Variants in RAB31 observed in about 807,000 individuals in gnomAD.
The protein encoded by RAB31 is ras-related protein Rab-31.
In RAB31, 21 loss-of-function variants were observed where a neutral mutation model predicts 25.6. That is an observed-to-expected ratio of 0.82 (90% CI 0.58 to 1.18). The LOEUF (loss-of-function observed/expected upper bound fraction) is 1.18. RAB31 is among the 50% of genes most tolerant of loss of function. The pLI, the probability that RAB31 is intolerant of heterozygous loss-of-function variation, is 0.00. For missense variants in RAB31, 196 were observed against 250.1 expected (o/e 0.78, Z 1.46); for synonymous variants, 87 against 84.0 (o/e 1.04, Z -0.20).
chr18:9,844,680 T>A (rs1319014696), intron 5 of RAB31: 2 of 152,240 alleles, frequency 1.3e-5, no homozygotes, highest in African/African-American at 4.8e-5. Flanking sequence ...AACTGCATCT[T>A]TTTTATCTTT....
chr18:9,806,551 G>C (rs1410411310), intron 3 of RAB31, among the ~76,000 whole-genome samples: 1 of 152,106 alleles, frequency 6.6e-6, no homozygotes, highest in Non-Finnish European at 1.5e-5. Context: ...GACAAGCAGG[G>C]GAGGGGCCCA....
intron 5 of RAB31, among the ~76,000 whole-genome samples, chr18:9,839,690 A>G (rs73387454): frequency 0.03 from 4,610 of 152,240 alleles, 195 homozygotes; most frequent in African/African-American, 0.1. Context: ...AGCAGCAGCT[A>G]GCTAGCTCAA....
At chr18:9,849,601 G>C (rs953234213) in intron 6 of RAB31, 7 of 152,650 alleles carry the variant, frequency 4.6e-5, no homozygotes, top group Non-Finnish European at 1.0e-4. Context: ...AGTCAGATCG[G>C]TGTCTGGTGA....
At position 9,806,001 on chromosome 18, in the gene RAB31, C is replaced by T. The variant is rs915579318; in HGVS notation, c.202-8019C>T. On this transcript the variant is annotated intron_variant, in intron 3 of 6. Coordinates refer to ENST00000578921, the MANE Select transcript of RAB31 (RefSeq NM_006868.4). The stretch of plus-strand genomic sequence containing the variant: ...CATCCTGGCTAACATGGCGAAACCC[C>T]GTCTCTACTAAAAAAATACAAAAAA... Among the ~76,000 whole-genome samples the T allele has an allele frequency of 2.0e-5, 3 of 152,132 alleles. No homozygotes were observed. In the South Asian group the frequency reaches 6.2e-4, roughly 32 times the overall value.
intron 3 of RAB31, among the ~76,000 whole-genome samples, chr18:9,801,774 T>C (rs79930662): frequency 0.03 from 4,589 of 152,296 alleles, 185 homozygotes; most frequent in African/African-American, 0.088. Context: ...GTCGTAAAGG[T>C]TTACTCCTGC....
Position 9,732,237 on chromosome 18 carries a change from C to T in RAB31, c.39+23793C>T, listed in dbSNP as rs981983688. On this transcript the variant is annotated intron_variant, in intron 1 of 6. Coordinates refer to ENST00000578921, the MANE Select transcript of RAB31 (RefSeq NM_006868.4). ...TCGTCCAGGGGGACGTGGAGTCACA[C>T]GCATGCAGGCAACAAGGAGAGGGCC... Among the ~76,000 whole-genome samples the T allele has an allele frequency of 6.8e-4, 104 of 152,294 alleles. 1 individual carries two copies. The highest frequency in any genetic ancestry group is 1.2e-3 in the Non-Finnish European group (85 of 68,022).
chr18:9,776,091 C>T (rs946379439), intron 2 of RAB31, among the ~76,000 whole-genome samples: 3 of 152,128 alleles, frequency 2.0e-5, no homozygotes, highest in African/African-American at 7.2e-5. Flanking sequence ...CGCCCAGCCC[C>T]TTTTCTGGAA....
At chr18:9,820,120 A>C (rs2068617633) in intron 5 of RAB31, among the ~76,000 whole-genome samples, 1 of 152,076 alleles carries the variant, frequency 6.6e-6, no homozygotes, top group African/African-American at 2.4e-5. Context: ...GAGAGTGCAC[A>C]TTCTTGTTTC....
chr18:9,741,095 G>A (rs1256679197), intron 1 of RAB31, among the ~76,000 whole-genome samples: 2 of 152,044 alleles, frequency 1.3e-5, no homozygotes, highest in Admixed American at 1.3e-4. Context: ...GCCACTCTAG[G>A]CCCAGCATGG....
At chr18:9,770,871 T>C (rs967961418) in intron 1 of RAB31, among the ~76,000 whole-genome samples, 132 of 145,142 alleles carry the variant, frequency 9.1e-4, no homozygotes, top group African/African-American at 3.1e-3. Context: ...TTTTTTTTTT[T>C]GAGAAATTTA....
chr18:9,763,215 G>C (rs1026842946), intron 1 of RAB31, among the ~76,000 whole-genome samples: 1 of 152,058 alleles, frequency 6.6e-6, no homozygotes, highest in Admixed American at 6.6e-5. Context: ...TGGACGAGTT[G>C]CTTTAATTTC....
At chr18:9,784,993 C>T (rs968337317) in intron 2 of RAB31, 1 of 152,052 alleles carries the variant, frequency 6.6e-6, no homozygotes. Flanking sequence ...CCTGCAAACT[C>T]GGAAGCAGAT....
chr18:9,723,844 T>G (rs1314197914), intron 1 of RAB31: 1 of 152,198 alleles, frequency 6.6e-6, no homozygotes, highest in Non-Finnish European at 1.5e-5. Flanking sequence ...AGTGTATTCA[T>G]AATGATCCAT....
chr18:9,718,815 A>G (rs971007380), intron 1 of RAB31, among the ~76,000 whole-genome samples: 32 of 151,742 alleles, frequency 2.1e-4, no homozygotes, highest in African/African-American at 7.8e-4. Context: ...GGCCTCTTCC[A>G]TAAGGGCACT....
rs1436711235 is a variant in RAB31, at chr18:9,766,312, C to T, written c.40-8966C>T. On this transcript the variant is annotated intron_variant, in intron 1 of 6. Coordinates refer to ENST00000578921, the MANE Select transcript of RAB31 (RefSeq NM_006868.4). This position sits in a 1 kb window ranked among gnomAD's most constrained non-coding sequence, Gnocchi z 4.3. ...CTGCGTGACCTCATCTCTGCATCTG[C>T]GAGCTCCATCTGCCCCCGGAGTGGG... 6.6e-6 allele frequency among the ~76,000 whole-genome samples: 1 copy of T among 152,206 alleles called. No homozygotes were observed. The highest frequency in any genetic ancestry group is 1.5e-5 in the Non-Finnish European group (1 of 68,034).
intron 1 of RAB31, among the ~76,000 whole-genome samples, chr18:9,774,199 T>C (rs1283549061): frequency 6.6e-6 from 1 of 152,148 alleles, no homozygotes; most frequent in Non-Finnish European, 1.5e-5. Flanking sequence ...ACTCTAGAGC[T>C]TTTTTTCTCC....
intron 1 of RAB31, among the ~76,000 whole-genome samples, chr18:9,754,355 C>T (rs2068250293): frequency 6.6e-6 from 1 of 152,158 alleles, no homozygotes; most frequent in African/African-American, 2.4e-5. Flanking sequence ...TCTTGGCTCA[C>T]TGCAACCTCT....
At chr18:9,709,572 T>C (rs12608275) in intron 1 of RAB31, among the ~76,000 whole-genome samples, 8,764 of 152,258 alleles carry the variant, frequency 0.058, 444 homozygotes, top group East Asian at 0.18. Context: ...TAGGCTCTTG[T>C]GGAACCTCCG....
At chr18:9,834,645 G>A (rs902874445) in intron 5 of RAB31, among the ~76,000 whole-genome samples, 1 of 152,174 alleles carries the variant, frequency 6.6e-6, no homozygotes, top group Non-Finnish European at 1.5e-5. Context: ...TTCAAAAAAA[G>A]AATGAACATA....
Sources: gnomAD v4.1 joint callset for allele counts (sites outside exome capture counted in the v4.1 genomes callset) on GRCh38, gnomAD v4.1.1 for gene constraint, Gnocchi (gnomAD v3.1) non-coding constraint, MANE v1.5 for transcripts, NCBI Gene and HGNC (gene_info 2026-07-23, HGNC 2026-07-21) for gene names.